OXNAD1: variants seen among roughly 807,000 people sequenced by gnomAD.
The protein encoded by OXNAD1 is oxidoreductase NAD-binding domain-containing protein 1.
Under a neutral mutation model 32.9 loss-of-function variants are expected in OXNAD1, and 34 were observed. That is an observed-to-expected ratio of 1.03 (90% CI 0.79 to 1.38). The LOEUF (loss-of-function observed/expected upper bound fraction) is 1.38, where lower values mean the gene tolerates loss of function less well. OXNAD1 is among the 40% of genes most tolerant of loss of function. OXNAD1 has a pLI of 0.00. For missense variants in OXNAD1, 407 were observed against 379.4 expected, an observed-to-expected ratio of 1.07 and a Z score of -0.60; for synonymous variants, 134 against 135.2, an observed-to-expected ratio of 0.99 and a Z score of 0.06.
At position 16,298,826 on chromosome 3, in the gene OXNAD1, G is replaced by T. The variant is rs1485299471; in HGVS notation, c.433-2800G>T. ...AAGTAGAAAATCTATACCAAAATTAGATACATTGCTGTGTAATTGAAGGTA... is the reference window on the plus strand; with the variant it reads ...AAGTAGAAAATCTATACCAAAATTATATACATTGCTGTGTAATTGAAGGTA... On this transcript the variant is annotated intron_variant, in intron 6 of 8. Transcript: ENST00000285083. The surrounding 1 kb of genome is among the most constrained non-coding windows in gnomAD (Gnocchi z 5.1). 1.3e-5 allele frequency among the ~76,000 whole-genome samples: 2 copies of T among 152,152 alleles called. No homozygotes were observed. Among genetic ancestry groups the T allele is most frequent in the Non-Finnish European group, 2.9e-5 (2 of 68,030 alleles).
At chr3:16,281,319 C>T (rs79285804) in intron 4 of OXNAD1, among the ~76,000 whole-genome samples, 1 of 152,132 alleles carries the variant, frequency 6.6e-6, no homozygotes, top group Non-Finnish European at 1.5e-5. Flanking sequence ...GGATAAATAG[C>T]AGTAGGTACA....
chr3:16,333,113 C>T (rs1205389128), intron 9 of OXNAD1, among the ~76,000 whole-genome samples: 1 of 152,194 alleles, frequency 6.6e-6, no homozygotes, highest in Non-Finnish European at 1.5e-5. Flanking sequence ...CTTTGTAAAG[C>T]ACATCATAGC....
chr3:16,324,757 C>CT (rs1406986879), intron 9 of OXNAD1, among the ~76,000 whole-genome samples: 1 of 149,380 alleles, frequency 6.7e-6, no homozygotes, highest in Non-Finnish European at 1.5e-5. Flanking sequence ...CATTTCTTAG[C>CT]TGTTGTGAAT....
downstream of OXNAD1, among the ~76,000 whole-genome samples, chr3:16,341,210 C>T (rs1042869277): frequency 1.3e-4 from 20 of 152,124 alleles, no homozygotes; most frequent in African/African-American, 3.4e-4. This position sits in a 1 kb window ranked among gnomAD's most constrained non-coding sequence, Gnocchi z 4.7. Flanking sequence ...GTGGTGGGGA[C>T]GCAAAATAGT....
Position 16,271,263 on chromosome 3 carries a change from G to C in OXNAD1, c.119+192G>C, listed in dbSNP as rs147570776. The C allele has an allele frequency of 2.2e-4, 147 of 657,234 alleles. 1 individual carries two copies. In the East Asian group the frequency reaches 4.0e-3, roughly 18 times the overall value. The allele number at this position is 657,234 out of a possible 1,614,324, so 40.7% of individuals were successfully genotyped here. The stretch of plus-strand genomic sequence containing the variant: ...CCGTCGCCTGGGCTGGAGTGCAGTG[G>C]CACGATCTTAGCTCACTGCAACCTC... On this transcript the variant is annotated intron_variant, in intron 3 of 8. Transcript: ENST00000285083. This position sits in a 1 kb window ranked among gnomAD's most constrained non-coding sequence, Gnocchi z 4.6.
chr3:16,297,669 T>A lies in OXNAD1; in HGVS notation c.432+2672T>A, dbSNP rs2066895304. Among the ~76,000 whole-genome samples the A allele has an allele frequency of 1.3e-5, 2 of 152,324 alleles. No individual in the cohort carries two copies. The highest frequency in any genetic ancestry group is 2.1e-4 in the South Asian group (1 of 4,822). On this transcript the variant is annotated intron_variant, in intron 6 of 8. Transcript: ENST00000285083. The surrounding 1 kb of genome is among the most constrained non-coding windows in gnomAD (Gnocchi z 4.3). ...AGGGACTATTAAAGAGATGAATTAT[T>A]GATGCATGCAGCAATGTGGGTGAAT... is the stretch of plus-strand genomic sequence containing the variant.
At position 16,317,501 on chromosome 3, in the gene OXNAD1, C is replaced by G. The variant is rs983073592; in HGVS notation, c.*30+13909C>G. Among the ~76,000 whole-genome samples the G allele has an allele frequency of 6.6e-6, 1 of 152,160 alleles. No homozygotes were observed. Among genetic ancestry groups the G allele is most frequent in the Non-Finnish European group, 1.5e-5 (1 of 68,022 alleles). On this transcript the variant is annotated intron_variant, in intron 9 of 9. Transcript: ENST00000435829. The surrounding 1 kb of genome is among the most constrained non-coding windows in gnomAD (Gnocchi z 4.3). The stretch of plus-strand genomic sequence containing the variant: ...GCAGAGCAGTATTTCTTTTGACTGG[C>G]TCTATACCAAAGGCCCACATAGGAA...
chr3:16,331,790 G>A (rs2070340570), intron 9 of OXNAD1, among the ~76,000 whole-genome samples: 1 of 152,090 alleles, frequency 6.6e-6, no homozygotes, highest in Admixed American at 6.5e-5. Flanking sequence ...CATTTTGCAG[G>A]AGCACATCCT....
At chr3:16,276,471 A>G (rs2065331517) in intron 4 of OXNAD1, 2 of 187,576 alleles carry the variant, frequency 1.1e-5, no homozygotes, top group South Asian at 1.2e-4. Context: ...TGAAATGGTC[A>G]CTACATAGTA....
chr3:16,324,797 C>G (rs2069531082), intron 9 of OXNAD1, among the ~76,000 whole-genome samples: 1 of 151,886 alleles, frequency 6.6e-6, no homozygotes. Context: ...AAATGCAGAT[C>G]CCTCTTCTGC....
At position 16,301,073 on chromosome 3, in the gene OXNAD1, G is replaced by C. The variant is rs1476802232; in HGVS notation, c.433-553G>C. Among the ~76,000 whole-genome samples, 1 of 152,182 alleles carries C rather than the reference G, an allele frequency of 6.6e-6. No homozygotes were observed. The highest frequency in any genetic ancestry group is 1.9e-4 in the East Asian group (1 of 5,196). On this transcript the variant is annotated intron_variant, in intron 6 of 8. Transcript: ENST00000285083. This position sits in a 1 kb window ranked among gnomAD's most constrained non-coding sequence, Gnocchi z 4.1. ...CTGGCTGCCTGTTCTTGTTTCTCTA[G>C]GGAGACAGGAACAGCACTGAACAGT...
chr3:16,351,685 T>C (rs1165681206), downstream of OXNAD1, among the ~76,000 whole-genome samples: 1 of 152,182 alleles, frequency 6.6e-6, no homozygotes, highest in Non-Finnish European at 1.5e-5. The surrounding 1 kb of genome is among the most constrained non-coding windows in gnomAD (Gnocchi z 5.4). Flanking sequence ...GTAAGCTGTA[T>C]ATAAGTTAGA....
intron 9 of OXNAD1, chr3:16,313,706 A>C (rs2068131125): frequency 6.6e-6 from 1 of 152,188 alleles, no homozygotes; most frequent in Non-Finnish European, 1.5e-5. Context: ...AGGAGGTTAC[A>C]CATGTAGACT....
rs144618453 is a variant in OXNAD1 at position 16,334,449 on chromosome 3, A to T, written c.*31-2663A>T. Among the ~76,000 whole-genome samples the T allele has an allele frequency of 6.6e-6, 1 of 152,320 alleles. No individual in the cohort carries two copies. The highest frequency in any genetic ancestry group is 1.5e-5 in the Non-Finnish European group (1 of 68,028). On this transcript the variant is annotated intron_variant, in intron 9 of 9. Transcript: ENST00000435829. This position sits in a 1 kb window ranked among gnomAD's most constrained non-coding sequence, Gnocchi z 4.3. ...GTATTAAAAAATGAGAAATGCACAG[A>T]GTTATTCACTGGAGAGCGGTCTGCA...
rs374923768 is a variant in OXNAD1 at position 16,344,851 on chromosome 3, G to A, written c.*31-4325G>A. Among the ~76,000 whole-genome samples, 66 of 152,320 alleles carry A rather than the reference G, an allele frequency of 4.3e-4. No homozygotes were observed. Among genetic ancestry groups the A allele is most frequent in the African/African-American group, 1.4e-3 (59 of 41,570 alleles). On this transcript the variant is annotated intron_variant, in intron 9 of 9. Transcript: ENST00000606098. The surrounding 1 kb of genome is among the most constrained non-coding windows in gnomAD (Gnocchi z 4.4). ...AACATATTTCAAGGAGTGGTAGTGA[G>A]TGAACACATAACTACAAGAACACCC...
chr3:16,338,402 C>T (rs143938024), downstream of OXNAD1, among the ~76,000 whole-genome samples: 482 of 152,342 alleles, frequency 3.2e-3, 3 homozygotes, highest in Non-Finnish European at 5.6e-3. The surrounding 1 kb of genome is among the most constrained non-coding windows in gnomAD (Gnocchi z 5.3). Flanking sequence ...GCAGTTCTGA[C>T]TGTGGTTAAG....
rs2066869383 is a variant in OXNAD1 at position 16,297,340 on chromosome 3, C to G, written c.432+2343C>G. On this transcript the variant is annotated intron_variant, in intron 6 of 8. Transcript: ENST00000285083. The surrounding 1 kb of genome is among the most constrained non-coding windows in gnomAD (Gnocchi z 4.3). ...TCTAAAATTAAAAATATTGACAATA[C>G]CAAGCGTTGGCAAGGATGTGGAGCA... Among the ~76,000 whole-genome samples the G allele has an allele frequency of 6.6e-6, 1 of 152,078 alleles. No homozygotes were observed. The highest frequency in any genetic ancestry group is 1.5e-5 in the Non-Finnish European group (1 of 68,032).
At chr3:16,315,428 A>G (rs1018483179) in intron 9 of OXNAD1, among the ~76,000 whole-genome samples, 1 of 152,208 alleles carries the variant, frequency 6.6e-6, no homozygotes, top group African/African-American at 2.4e-5. Flanking sequence ...CAAATGTTTT[A>G]TTTTAATAAA....
At chr3:16,326,918 GCCAAC>G in intron 9 of OXNAD1, 1 of 1,503,210 alleles carries the variant, frequency 6.7e-7, no homozygotes, top group Non-Finnish European at 9.2e-7. Context: ...GCTGCCACAA[GCCAAC>G]TCCCAGGCAA....
Sources: allele counts gnomAD v4.1 joint callset (sites outside exome capture counted in the v4.1 genomes callset), GRCh38; gene constraint gnomAD v4.1.1; non-coding constraint Gnocchi (gnomAD v3.1); transcripts MANE v1.5; gene names NCBI Gene and HGNC (gene_info 2026-07-23, HGNC 2026-07-21).